Variants in NRG3 observed in about 807,000 individuals in gnomAD.
NRG3 encodes the protein pro-neuregulin-3, membrane-bound isoform.
Under a neutral mutation model 66.9 loss-of-function variants are expected in NRG3, and 31 were observed. The observed-to-expected ratio is 0.46, with a 90% CI of 0.35 to 0.63. The LOEUF is 0.63. NRG3 is among the 20% of genes least tolerant of loss of function. The probability of loss-of-function intolerance (pLI) is 0.00; values close to 1 mark genes in which losing one functional copy is unlikely to be tolerated. For missense variants in NRG3, 910 were observed against 878.9 expected (o/e 1.04, Z -0.45); for synonymous variants, 393 against 359.4 (o/e 1.09, Z -1.06).
At chr10:82,392,586 A>G (rs2086452502) in intron 2 of NRG3, among the ~76,000 whole-genome samples, 1 of 152,138 alleles carries the variant, frequency 6.6e-6, no homozygotes, top group African/African-American at 2.4e-5. Context: ...ACTTTAGTTA[A>G]CTCTTATTTC....
At chr10:82,236,287 A>G (rs2076748761) in intron 1 of NRG3, among the ~76,000 whole-genome samples, 1 of 152,218 alleles carries the variant, frequency 6.6e-6, no homozygotes, top group Non-Finnish European at 1.5e-5. Context: ...GGCATAGCTC[A>G]TAACTCACTG....
intron 4 of NRG3, among the ~76,000 whole-genome samples, chr10:82,902,482 C>T (rs536611804): frequency 3.3e-5 from 5 of 151,756 alleles, no homozygotes; most frequent in East Asian, 1.9e-4. Flanking sequence ...GTCAGGGCCA[C>T]GTGGTCTTAG....
intron 2 of NRG3, among the ~76,000 whole-genome samples, chr10:82,491,293 A>AATATATATATATATATATAT (rs10652539): frequency 2.4e-5 from 2 of 82,188 alleles, no homozygotes; most frequent in African/African-American, 7.0e-5. Context: ...GTTCCCATAA[A>AATATATATATATATATATAT]ATATATATAT....
Position 82,081,192 on chromosome 10 carries a change from G to A in NRG3, c.823+205029G>A, listed in dbSNP as rs141383106. 2.2e-3 allele frequency among the ~76,000 whole-genome samples: 329 copies of A among 152,170 alleles called. 1 individual carries two copies. The highest frequency in any genetic ancestry group is 4.5e-3 in the Admixed American group (69 of 15,290). ...CATCCCACGGTTTAAACCTAGATGG[G>A]GCTTCTGTAAATATGAACTCAAGGC... On this transcript the variant is annotated intron_variant, in intron 1 of 8. Coordinates refer to ENST00000372141, the MANE Select transcript of NRG3 (RefSeq NM_001010848.4).
At chr10:82,956,603 G>A (rs1045375695) in intron 5 of NRG3, among the ~76,000 whole-genome samples, 1 of 151,900 alleles carries the variant, frequency 6.6e-6, no homozygotes, top group Non-Finnish European at 1.5e-5. Context: ...TCCCTTATAA[G>A]TTTATACTTC....
intron 1 of NRG3, among the ~76,000 whole-genome samples, chr10:82,004,554 T>A (rs1222013009): frequency 6.6e-6 from 1 of 152,190 alleles, no homozygotes; most frequent in Admixed American, 6.5e-5. Context: ...AGTGCTGATG[T>A]TTTTGTCAAC....
chr10:82,061,721 C>T (rs1215980117), intron 1 of NRG3, among the ~76,000 whole-genome samples: 1 of 152,014 alleles, frequency 6.6e-6, no homozygotes, highest in African/African-American at 2.4e-5. Flanking sequence ...TTTCTGTTTT[C>T]CCCCTCTTCT....
intron 1 of NRG3, among the ~76,000 whole-genome samples, chr10:82,041,096 C>G (rs919564613): frequency 6.6e-6 from 1 of 152,084 alleles, no homozygotes; most frequent in Admixed American, 6.6e-5. Flanking sequence ...AGTAATTAAA[C>G]TATGTCATTC....
intron 3 of NRG3, among the ~76,000 whole-genome samples, chr10:82,850,365 A>T (rs1035184055): frequency 1.3e-5 from 2 of 152,192 alleles, no homozygotes; most frequent in African/African-American, 4.8e-5. Flanking sequence ...TGCTGCTCTC[A>T]CATTTTGGTC....
At chr10:82,070,374 A>G (rs1402839984) in intron 1 of NRG3, among the ~76,000 whole-genome samples, 1 of 152,174 alleles carries the variant, frequency 6.6e-6, no homozygotes, top group African/African-American at 2.4e-5. Context: ...GGGTTTTGCT[A>G]TTTTATCTGG....
At chr10:82,207,677 C>T (rs10748922) in intron 1 of NRG3, among the ~76,000 whole-genome samples, 79,515 of 152,024 alleles carry the variant, frequency 0.52, 21,627 homozygotes, top group Middle Eastern at 0.6. Context: ...TGGGAAGGCT[C>T]AGGAAACACA....
At chr10:82,261,908 G>A (rs1259271859) in intron 1 of NRG3, among the ~76,000 whole-genome samples, 1 of 152,148 alleles carries the variant, frequency 6.6e-6, no homozygotes, top group Non-Finnish European at 1.5e-5. Context: ...CTGAGATTTT[G>A]TTTATGACCA....
At chr10:82,330,793 T>C (rs959564606) in intron 1 of NRG3, among the ~76,000 whole-genome samples, 12 of 152,190 alleles carry the variant, frequency 7.9e-5, no homozygotes, top group African/African-American at 2.9e-4. Flanking sequence ...ACACTGAGGT[T>C]CTTAGCATAA....
intron 2 of NRG3, among the ~76,000 whole-genome samples, chr10:82,676,500 T>C (rs1189416424): frequency 6.6e-6 from 1 of 152,144 alleles, no homozygotes; most frequent in Non-Finnish European, 1.5e-5. Flanking sequence ...TTGTTTTTTT[T>C]CAAGATGGAG....
intron 2 of NRG3, among the ~76,000 whole-genome samples, chr10:82,491,726 T>TTTAATGGGG (rs1843166230): frequency 6.6e-6 from 1 of 152,122 alleles, no homozygotes. Context: ...TTTACTGCCA[T>TTTAATGGGG]TTAATGGGGT....
chr10:82,025,556 A>G (rs2062261969), intron 1 of NRG3, among the ~76,000 whole-genome samples: 1 of 152,078 alleles, frequency 6.6e-6, no homozygotes, highest in South Asian at 2.1e-4. Flanking sequence ...CATATTTATA[A>G]TAAACTTTCC....
intron 1 of NRG3, among the ~76,000 whole-genome samples, chr10:82,057,779 C>G (rs1233873053): frequency 6.6e-6 from 1 of 152,136 alleles, no homozygotes; most frequent in Non-Finnish European, 1.5e-5. Context: ...GACCTTCATT[C>G]TAAATGAGTT....
chr10:81,967,148 T>A (rs2059762672), intron 1 of NRG3, among the ~76,000 whole-genome samples: 1 of 151,934 alleles, frequency 6.6e-6, no homozygotes, highest in African/African-American at 2.4e-5. Flanking sequence ...TATCATATAT[T>A]TGTAGCTATA....
At chr10:82,353,850 T>G (rs1395782291) in intron 1 of NRG3, among the ~76,000 whole-genome samples, 2 of 152,074 alleles carry the variant, frequency 1.3e-5, no homozygotes, top group South Asian at 2.1e-4. Context: ...CCAATTGTTT[T>G]GCTTTGTTTT....
Sources: gnomAD v4.1 joint callset for allele counts (sites outside exome capture counted in the v4.1 genomes callset) on GRCh38, gnomAD v4.1.1 for gene constraint, MANE v1.5 for transcripts, NCBI Gene and HGNC (gene_info 2026-07-23, HGNC 2026-07-21) for gene names.